The following OR56A3 variants were observed in gnomAD, a reference collection of about 807,000 sequenced individuals.
OR56A3 encodes the protein olfactory receptor family 56 subfamily A member 3.
A neutral mutation model predicts 17.5 loss-of-function variants in OR56A3; 23 were observed. That is an observed-to-expected ratio of 1.32 (90% confidence interval 0.95 to 1.87). OR56A3 has a LOEUF of 1.87. Ranked by LOEUF, OR56A3 falls within the 40% of genes most tolerant of loss-of-function variation. The pLI, the probability that OR56A3 is intolerant of heterozygous loss-of-function variation, is 0.00. For missense variants in OR56A3, 366 were observed against 380.1 expected (o/e 0.96, Z 0.31); for synonymous variants, 175 against 150.6 (o/e 1.16, Z -1.19).
At chr11:6,004,599 A>G in the OR56A3 span, among the ~76,000 whole-genome samples, 2 of 152,224 alleles carry the variant, frequency 1.3e-5, no homozygotes, top group Non-Finnish European at 1.5e-5. Flanking sequence ...ATTTAAAAAA[A>G]TTTACCCATT....
the OR56A3 span, chr11:6,021,941 C>T: frequency 5.9e-5 from 9 of 152,190 alleles, no homozygotes; most frequent in East Asian, 1.9e-4. Flanking sequence ...TCATCTGCTC[C>T]GCCATTAATA....
the OR56A3 span, chr11:6,002,708 G>A: frequency 6.2e-7 from 1 of 1,614,252 alleles, no homozygotes; most frequent in Non-Finnish European, 8.5e-7. Context: ...CTGGGAAGCT[G>A]ATCGACCTGA....
At chr11:5,986,523 C>T in the OR56A3 span, 2 of 1,613,872 alleles carry the variant, frequency 1.2e-6, no homozygotes, top group Non-Finnish European at 1.7e-6. Context: ...GATCCAGAGC[C>T]ATGGCCACAA....
At chr11:5,991,947 C>T in the OR56A3 span, among the ~76,000 whole-genome samples, 1 of 152,176 alleles carries the variant, frequency 6.6e-6, no homozygotes, top group Non-Finnish European at 1.5e-5. Context: ...ATACAGCCCA[C>T]AGGGGTAGGT....
chr11:5,984,736 GTA>G, the OR56A3 span, among the ~76,000 whole-genome samples: 1 of 152,116 alleles, frequency 6.6e-6, no homozygotes, highest in African/African-American at 2.4e-5. Flanking sequence ...CTCAGACAGA[GTA>G]CTAGTTATTA....
At chr11:5,985,594 A>G in the OR56A3 span, among the ~76,000 whole-genome samples, 1 of 152,170 alleles carries the variant, frequency 6.6e-6, no homozygotes, top group South Asian at 2.1e-4. Flanking sequence ...GGACTTTACA[A>G]TTCCAGACAG....
chr11:5,965,105 G>A, the OR56A3 span, among the ~76,000 whole-genome samples: 1 of 152,120 alleles, frequency 6.6e-6, no homozygotes, highest in Non-Finnish European at 1.5e-5. Flanking sequence ...ATAGGAGAAT[G>A]GTCACTAGAG....
chr11:5,985,100 C>G, the OR56A3 span, among the ~76,000 whole-genome samples: 1 of 152,310 alleles, frequency 6.6e-6, no homozygotes, highest in Admixed American at 6.5e-5. Context: ...ATAACTGCTA[C>G]TATACTTATT....
chr11:5,993,940 G>T, the OR56A3 span: 1 of 453,308 alleles, frequency 2.2e-6, no homozygotes. Flanking sequence ...TGTGGCGGGT[G>T]GTAGTCTTTT....
downstream of OR56A3, among the ~76,000 whole-genome samples, chr11:5,953,178 T>C (rs550034868): frequency 2.8e-4 from 43 of 152,362 alleles, no homozygotes; most frequent in African/African-American, 9.9e-4. Flanking sequence ...AGTAATGGGA[T>C]TGCTGAGTTG....
downstream of OR56A3, among the ~76,000 whole-genome samples, chr11:5,955,449 G>A (rs1021989386): frequency 1.3e-5 from 2 of 152,118 alleles, no homozygotes; most frequent in African/African-American, 4.8e-5. Flanking sequence ...CAGCTGAGGG[G>A]CATAAGGCAG....
At chr11:6,018,888 A>G in the OR56A3 span, among the ~76,000 whole-genome samples, 1 of 152,094 alleles carries the variant, frequency 6.6e-6, no homozygotes, top group African/African-American at 2.4e-5. Context: ...ATCAGTGACT[A>G]TTGGGAACTA....
At chr11:6,006,024 A>C in the OR56A3 span, among the ~76,000 whole-genome samples, 1 of 152,232 alleles carries the variant, frequency 6.6e-6, no homozygotes, top group South Asian at 2.1e-4. Flanking sequence ...TCTGAACAAA[A>C]GTAATAACCA....
the OR56A3 span, chr11:6,002,714 C>T: frequency 6.2e-7 from 1 of 1,614,170 alleles, no homozygotes; most frequent in Non-Finnish European, 8.5e-7. Context: ...AGCTGATCGA[C>T]CTGAGGTCAA....
Position 5,947,455 on chromosome 11 carries a change from CT to C in OR56A3, c.110del (p.Leu37ProfsTer7). ...GCACTGGCTGTCCCTGCCCCTCAGCCTCCTTTTCCTCTTGGCCGTAGGGGCC... is the reference window on the plus strand; with the variant it reads ...GCACTGGCTGTCCCTGCCCCTCAGCCCCTTTTCCTCTTGGCCGTAGGGGCC... ...WQHWLSLPLS[L>X]LFLLAVGANT... On this transcript the variant is annotated frameshift_variant, in exon 3 of 3. Coordinates refer to ENST00000641160, the MANE Select transcript of OR56A3 (RefSeq NM_001003443.3). LOFTEE classifies it high-confidence loss of function. The C allele has an allele frequency of 1.2e-6, 2 of 1,614,224 alleles. No individual in the cohort carries two copies. The highest frequency in any genetic ancestry group is 1.7e-6 in the Non-Finnish European group (2 of 1,180,032).
chr11:6,003,968 G>C, the OR56A3 span, among the ~76,000 whole-genome samples: 7 of 152,268 alleles, frequency 4.6e-5, no homozygotes, highest in African/African-American at 1.4e-4. Flanking sequence ...TGTTTCTTTT[G>C]TGGGGTATCA....
chr11:5,987,070 C>G, the OR56A3 span: 1 of 748,624 alleles, frequency 1.3e-6, no homozygotes, highest in Non-Finnish European at 2.2e-6. Context: ...GGAGATAATT[C>G]TTTTACAAGT....
chr11:5,967,564 T>G, the OR56A3 span: 6 of 1,588,436 alleles, frequency 3.8e-6, no homozygotes, highest in African/African-American at 6.7e-5. Context: ...TACAACCTCC[T>G]CAGCAGGTTC....
chr11:6,009,030 T>A, the OR56A3 span, among the ~76,000 whole-genome samples: 7 of 152,184 alleles, frequency 4.6e-5, no homozygotes, highest in Admixed American at 4.6e-4. Flanking sequence ...GTGAGTTGAA[T>A]TGTACCCCTA....
Sources: allele counts gnomAD v4.1 joint callset (sites outside exome capture counted in the v4.1 genomes callset), GRCh38; gene constraint gnomAD v4.1.1; transcripts MANE v1.5; gene names NCBI Gene and HGNC (gene_info 2026-07-23, HGNC 2026-07-21).